MAP2: variants seen among roughly 807,000 people sequenced by gnomAD.
The protein encoded by MAP2 is microtubule-associated protein 2.
A neutral mutation model predicts 137.6 loss-of-function variants in MAP2; 14 were observed. That is an observed-to-expected ratio of 0.10 (90% CI 0.07 to 0.16). MAP2 has a LOEUF of 0.16. Among genes scored for constraint, MAP2 ranks in the 10% least tolerant of loss-of-function variants. The pLI is 1.00. For synonymous variants in MAP2, 786 were observed against 782.3 expected (o/e 1.00, Z -0.08); for missense variants, 2,088 against 2,191.5 (o/e 0.95, Z 0.94).
At chr2:209,508,103 G>A (rs896297184) in intron 2 of MAP2, among the ~76,000 whole-genome samples, 1 of 152,026 alleles carries the variant, frequency 6.6e-6, no homozygotes, top group Non-Finnish European at 1.5e-5. Flanking sequence ...ATTTCAGTTA[G>A]CAGAGTGTTA....
intron 1 of MAP2, among the ~76,000 whole-genome samples, chr2:209,485,559 G>A (rs1026976021): frequency 6.6e-6 from 1 of 152,158 alleles, no homozygotes; most frequent in Non-Finnish European, 1.5e-5. Context: ...CATAACCAAA[G>A]ATTACCTGTC....
chr2:209,579,993 CATATAT>C (rs3036661), intron 2 of MAP2, 37 bp from the exon 3 acceptor site: 1 of 145,610 alleles, frequency 6.9e-6, no homozygotes, highest in African/African-American at 2.5e-5. Flanking sequence ...TTAACAAATC[CATATAT>C]ATATATATAT....
At chr2:209,628,928 C>A (rs2092696079) in intron 4 of MAP2, among the ~76,000 whole-genome samples, 1 of 152,152 alleles carries the variant, frequency 6.6e-6, no homozygotes, top group Non-Finnish European at 1.5e-5. Flanking sequence ...ACCTTTAATG[C>A]AGAACAGTGA....
In MAP2 at chr2:209,685,737, A is replaced by G. The variant is rs115346854; in HGVS notation, c.454+4910A>G. 1.3e-3 allele frequency among the ~76,000 whole-genome samples: 205 copies of G among 152,252 alleles called. 2 individuals carry two copies. Among genetic ancestry groups the G allele is most frequent in the African/African-American group, 4.7e-3 (197 of 41,556 alleles). On this transcript the variant is annotated intron_variant, in intron 7 of 15. Coordinates refer to ENST00000682079, the MANE Select transcript of MAP2 (RefSeq NM_001375505.1). ...GAAAGTTTTCAGAATAGAAAATACC[A>G]TTTACCATTTTTTTAAATGCTATAG... is the stretch of plus-strand genomic sequence containing the variant.
intron 1 of MAP2, among the ~76,000 whole-genome samples, chr2:209,425,777 AT>A (rs889706278): frequency 6.6e-6 from 1 of 151,996 alleles, no homozygotes; most frequent in Non-Finnish European, 1.5e-5. Flanking sequence ...GACAATTATG[AT>A]TTTTTTTGGC....
chr2:209,696,092 A>C lies in MAP2; in HGVS notation c.3922A>C (p.Ser1308Arg), dbSNP rs1482354067. 6.2e-7 allele frequency: 1 copy of C among 1,614,082 alleles called. No individual in the cohort carries two copies. The highest frequency in any genetic ancestry group is 8.5e-7 in the Non-Finnish European group (1 of 1,179,998). ...TTDEGESGSH[S>R]VRFAALEQPE... The stretch of plus-strand genomic sequence containing the variant: ...TGATGAAGGGGAGTCAGGGTCCCAC[A>C]GCGTGCGTTTTGCAGCCCTAGAGCA... Residue 1308 changes from serine (S) to arginine (R), a missense_variant, in exon 8 of 16, where the codon AGC (serine) becomes CGC (arginine). By Grantham distance (110) the Ser-to-Arg change is moderately radical (BLOSUM62 -1). Coordinates refer to ENST00000682079, the MANE Select transcript of MAP2 (RefSeq NM_001375505.1).
chr2:209,561,171 A>G (rs1050025764), intron 2 of MAP2, among the ~76,000 whole-genome samples: 16 of 152,226 alleles, frequency 1.1e-4, no homozygotes, highest in African/African-American at 4.8e-5. Flanking sequence ...GGGAAGAACA[A>G]AGACATGTAT....
At chr2:209,450,968 T>C (rs1158225569) in intron 1 of MAP2, among the ~76,000 whole-genome samples, 1 of 145,670 alleles carries the variant, frequency 6.9e-6, no homozygotes, top group African/African-American at 2.8e-5. Flanking sequence ...TTCTAAGTTA[T>C]GAAATAATTT....
intron 1 of MAP2, among the ~76,000 whole-genome samples, chr2:209,507,104 C>G (rs1341370526): frequency 6.6e-6 from 1 of 152,094 alleles, no homozygotes; most frequent in African/African-American, 2.4e-5. Flanking sequence ...CAGTAATCAC[C>G]TTCCAAAGGC....
intron 7 of MAP2, among the ~76,000 whole-genome samples, chr2:209,684,362 A>G (rs1488108264): frequency 3.3e-5 from 5 of 152,256 alleles, no homozygotes; most frequent in African/African-American, 7.2e-5. Flanking sequence ...AGTAACAGTC[A>G]GCAGACTGAG....
intron 2 of MAP2, among the ~76,000 whole-genome samples, chr2:209,510,055 A>G (rs17316904): frequency 0.058 from 8,839 of 151,132 alleles, 302 homozygotes; most frequent in South Asian, 0.093. Context: ...TCAGAATGAA[A>G]TCTAGAAACA....
rs565711674 is a variant in MAP2, at chr2:209,471,979, A to G, written c.-221-35613A>G. Among the ~76,000 whole-genome samples the G allele has an allele frequency of 5.9e-5, 9 of 152,226 alleles. No homozygotes were observed. In the South Asian group the frequency reaches 1.0e-3, roughly 18 times the overall value. On this transcript the variant is annotated intron_variant, in intron 1 of 15. Transcript: ENST00000682079. ...AAGGAGTTTCACAGCCAATTTTGCT[A>G]TTCTCCCCACCACCACTTCATCCCA...
intron 1 of MAP2, among the ~76,000 whole-genome samples, chr2:209,448,725 T>C (rs1026868625): frequency 2.6e-5 from 4 of 152,172 alleles, no homozygotes; most frequent in African/African-American, 9.7e-5. Context: ...CTCTCAAATC[T>C]CCTGTGTGTG....
intron 14 of MAP2, among the ~76,000 whole-genome samples, 183 bp from the exon 15 acceptor site, chr2:209,729,667 G>C (rs1377095186): frequency 2.0e-5 from 3 of 152,126 alleles, no homozygotes; most frequent in Non-Finnish European, 2.9e-5. Context: ...TTATGGTCTT[G>C]CATCATATGA....
intron 4 of MAP2, among the ~76,000 whole-genome samples, chr2:209,646,394 T>C (rs958665966): frequency 6.6e-6 from 1 of 152,214 alleles, no homozygotes; most frequent in Non-Finnish European, 1.5e-5. Flanking sequence ...AAATTTTTTC[T>C]TAACACAGAA....
chr2:209,466,175 T>A (rs1229187984), intron 1 of MAP2, among the ~76,000 whole-genome samples: 2 of 152,210 alleles, frequency 1.3e-5, no homozygotes, highest in African/African-American at 4.8e-5. Flanking sequence ...GAGTAAAATT[T>A]GAGAGTAAAA....
In MAP2 at chr2:209,693,214, T is replaced by G. The variant is rs2059394802; in HGVS notation, c.1044T>G (p.Asp348Glu). ...TTGCCCCTGCCTTTTTACAGCCAGA[T>G]GACAAAAAATCTCTGCAACAAACCA... ...SPFAPAFLQP[D>E]DKKSLQQTSG... is the part of the protein sequence containing the mutation. The change falls in exon 8 of 16, where the codon GAT becomes GAG. Residue 348 changes from aspartate to glutamate, a missense_variant. Asp to Glu is a conservative substitution (Grantham distance 45). Around this residue, in one of 6 missense-constraint regions of MAP2, gnomAD observed 859 missense variants for 794.5 expected, o/e 1.08. Coordinates refer to ENST00000682079, the MANE Select transcript of MAP2 (RefSeq NM_001375505.1). The G allele has an allele frequency of 1.2e-6, 2 of 1,613,062 alleles. No individual in the cohort carries two copies. The highest frequency in any genetic ancestry group is 1.7e-6 in the Non-Finnish European group (2 of 1,179,780).
intron 5 of MAP2, among the ~76,000 whole-genome samples, chr2:209,657,944 G>A (rs2041693615): frequency 6.6e-6 from 1 of 152,144 alleles, no homozygotes; most frequent in African/African-American, 2.4e-5. Flanking sequence ...GTTTTCCAAA[G>A]CGTAAATAAT....
intron 2 of MAP2, among the ~76,000 whole-genome samples, chr2:209,577,825 G>T (rs1308348355): frequency 6.6e-6 from 1 of 152,136 alleles, no homozygotes. Context: ...TCACAAAAGG[G>T]CAATCATGCT....
Sources: gnomAD v4.1 joint callset for allele counts (sites outside exome capture counted in the v4.1 genomes callset) on GRCh38, gnomAD v4.1.1 for gene constraint, gnomAD v4.1.1 regional missense constraint, MANE v1.5 for transcripts, NCBI Gene and HGNC (gene_info 2026-07-23, HGNC 2026-07-21) for gene names.